Variants in UNC5D observed in about 807,000 individuals in gnomAD.
UNC5D encodes the protein netrin receptor UNC5D.
Under a neutral mutation model 105.4 loss-of-function variants are expected in UNC5D, and 39 were observed. The observed-to-expected ratio is 0.37, with a 90% CI of 0.29 to 0.48. The LOEUF (loss-of-function observed/expected upper bound fraction) is 0.48, where lower values mean the gene tolerates loss of function less well. Among genes scored for constraint, UNC5D ranks in the 20% least tolerant of loss-of-function variants. The pLI, the probability that UNC5D is intolerant of heterozygous loss-of-function variation, is 0.98. For missense variants in UNC5D, 991 were observed against 1,202.4 expected (o/e 0.82, Z 2.60); for synonymous variants, 452 against 450.4 (o/e 1.00, Z -0.04).
At chr8:35,725,285 G>C (rs750140571) in intron 9 of UNC5D, among the ~76,000 whole-genome samples, 23 of 152,026 alleles carry the variant, frequency 1.5e-4, no homozygotes, top group Non-Finnish European at 2.2e-4. Flanking sequence ...GAGTTATTTT[G>C]TTATTTACTA....
chr8:35,491,668 TGCA>T (rs1294625490), intron 1 of UNC5D, among the ~76,000 whole-genome samples: 1 of 152,142 alleles, frequency 6.6e-6, no homozygotes, highest in African/African-American at 2.4e-5. Context: ...GTTACTGGTT[TGCA>T]GCATCTAGGA....
At chr8:35,750,373 G>A (rs1424731453) in intron 12 of UNC5D, among the ~76,000 whole-genome samples, 2 of 148,962 alleles carry the variant, frequency 1.3e-5, no homozygotes, top group Admixed American at 6.9e-5. Flanking sequence ...TTACAGGCAT[G>A]AGCCACCATG....
rs542316569 is a variant in UNC5D at position 35,759,045 on chromosome 8, G to A, written c.2164-275G>A. Among the ~76,000 whole-genome samples the A allele has an allele frequency of 2.6e-5, 4 of 152,242 alleles. No individual in the cohort carries two copies. In the East Asian group the frequency reaches 7.7e-4, roughly 29 times the overall value. On this transcript the variant is annotated intron_variant, in intron 13 of 16. Coordinates refer to ENST00000404895, the MANE Select transcript of UNC5D (RefSeq NM_080872.4). Reference sequence around the variant, plus strand: ...CTTGGGGTCAGGGGAGGTCTTTGAAGTTTAAACAAAGGCACAGTGTGGTTT... The same window carrying A: ...CTTGGGGTCAGGGGAGGTCTTTGAAATTTAAACAAAGGCACAGTGTGGTTT...
intron 4 of UNC5D, among the ~76,000 whole-genome samples, chr8:35,657,070 GTGTGTGTGTGTATA>G (rs1427480166): frequency 6.9e-5 from 7 of 102,130 alleles, no homozygotes; most frequent in African/African-American, 3.3e-4. Flanking sequence ...GTGTGTGTGT[GTGTGTGTGTGTATA>G]TATATATATA....
At chr8:35,557,577 T>C (rs956113341) in intron 2 of UNC5D, among the ~76,000 whole-genome samples, 4 of 152,178 alleles carry the variant, frequency 2.6e-5, no homozygotes, top group Non-Finnish European at 5.9e-5. Flanking sequence ...ATCTAAGCTC[T>C]CTCAAGATAC....
chr8:35,644,076 A>T (rs1389088700), intron 4 of UNC5D, among the ~76,000 whole-genome samples: 1 of 152,164 alleles, frequency 6.6e-6, no homozygotes, highest in East Asian at 1.9e-4. Flanking sequence ...TGCACATTTC[A>T]CATTTGTCCT....
intron 1 of UNC5D, chr8:35,544,397 T>C (rs1256950105): frequency 1.2e-6 from 2 of 1,608,108 alleles, no homozygotes; most frequent in East Asian, 4.5e-5. Context: ...TAGCGTTAAA[T>C]AAGTAGGGAT....
rs980829571 is a variant in UNC5D at position 35,544,608 on chromosome 8, T to G, written c.104-4684T>G. On this transcript the variant is annotated intron_variant, in intron 1 of 16. Transcript: ENST00000404895. ...TCTTTCGTTTTCGTTTTTTTTTTTT[T>G]TTTTTTTTTTTTGAGACAGAGTCTC... 1.3e-5 allele frequency: 20 copies of G among 1,496,296 alleles called. No individual in the cohort carries two copies. In the African/African-American group the frequency reaches 2.2e-4, roughly 17 times the overall value. The allele number at this position is 1,496,296 out of a possible 1,614,324, so 92.7% of individuals were successfully genotyped here.
intron 4 of UNC5D, among the ~76,000 whole-genome samples, chr8:35,660,737 C>G (rs1020479626): frequency 6.6e-6 from 1 of 152,080 alleles, no homozygotes; most frequent in African/African-American, 2.4e-5. Context: ...AGAGTCCCTC[C>G]CCTTGGGGTT....
At chr8:35,522,686 A>G (rs1813573206) in intron 1 of UNC5D, among the ~76,000 whole-genome samples, 2 of 152,350 alleles carry the variant, frequency 1.3e-5, no homozygotes, top group African/African-American at 2.4e-5. Flanking sequence ...GAACCTAGAC[A>G]AATTATAAGT....
chr8:35,773,140 A>G (rs577390893), intron 15 of UNC5D, among the ~76,000 whole-genome samples: 3 of 152,300 alleles, frequency 2.0e-5, no homozygotes, highest in East Asian at 3.9e-4. Flanking sequence ...TCTTATAATC[A>G]TGGAAGTGAT....
At chr8:35,688,905 C>T (rs1487167778) in intron 7 of UNC5D, among the ~76,000 whole-genome samples, 1 of 152,168 alleles carries the variant, frequency 6.6e-6, no homozygotes, top group Non-Finnish European at 1.5e-5. Flanking sequence ...TGAGTGGCTT[C>T]AAGGAAAGAA....
chr8:35,784,136 G>A (rs1056115878), intron 16 of UNC5D, among the ~76,000 whole-genome samples: 1 of 152,126 alleles, frequency 6.6e-6, no homozygotes, highest in African/African-American at 2.4e-5. Flanking sequence ...GAAGCCAAGG[G>A]ATGGTGATAG....
Position 35,474,728 on chromosome 8 carries a change from A to T in UNC5D, c.104-74564A>T, listed in dbSNP as rs146234018. 5.6e-3 allele frequency among the ~76,000 whole-genome samples: 849 copies of T among 152,290 alleles called. 12 individuals carry two copies. Among genetic ancestry groups the T allele is most frequent in the African/African-American group, 0.02 (820 of 41,552 alleles). On this transcript the variant is annotated intron_variant, in intron 1 of 16. Transcript: ENST00000404895. ...TCCCCCTTGACCTGCTTAGAACTGT[A>T]TGTGAGCAGGAAATAACCTCTCATT...
chr8:35,682,111 C>T (rs866014876), intron 4 of UNC5D, among the ~76,000 whole-genome samples: 53 of 152,126 alleles, frequency 3.5e-4, no homozygotes, highest in African/African-American at 1.1e-3. Flanking sequence ...ATTACAGGCA[C>T]GTGCCACCAC....
chr8:35,343,783 G>C (rs1170754459), intron 1 of UNC5D, among the ~76,000 whole-genome samples: 2 of 152,104 alleles, frequency 1.3e-5, no homozygotes, highest in African/African-American at 4.8e-5. Context: ...GGTTTTCAGA[G>C]CCTCAGAAAC....
chr8:35,463,771 A>T (rs949811130), intron 1 of UNC5D, among the ~76,000 whole-genome samples: 2 of 151,762 alleles, frequency 1.3e-5, no homozygotes, highest in Non-Finnish European at 2.9e-5. Context: ...AGCCTGGGCA[A>T]CAGAGCAATA....
intron 1 of UNC5D, among the ~76,000 whole-genome samples, chr8:35,343,808 T>C (rs1811622065): frequency 1.3e-5 from 2 of 152,164 alleles, no homozygotes; most frequent in Admixed American, 6.5e-5. Context: ...GGATACTTTA[T>C]GCAATTCTGC....
At chr8:35,259,937 C>T (rs971360485) in intron 1 of UNC5D, among the ~76,000 whole-genome samples, 5 of 152,018 alleles carry the variant, frequency 3.3e-5, no homozygotes, top group African/African-American at 1.2e-4. Flanking sequence ...CTTTTAAAGT[C>T]ACTGGAGGAG....
Sources: allele counts gnomAD v4.1 joint callset (sites outside exome capture counted in the v4.1 genomes callset), GRCh38; gene constraint gnomAD v4.1.1; transcripts MANE v1.5; gene names NCBI Gene and HGNC (gene_info 2026-07-23, HGNC 2026-07-21).